Variants in FER1L6 observed in about 807,000 individuals in gnomAD.
The protein encoded by FER1L6 is fer-1-like protein 6.
FER1L6 carries 177 observed loss-of-function variants against 219.2 expected under a neutral mutation model. That is an observed-to-expected ratio of 0.81 (90% CI 0.71 to 0.91). The LOEUF is 0.91. Among genes scored for constraint, FER1L6 ranks in the 40% least tolerant of loss-of-function variants. FER1L6 has a pLI of 0.00. For missense variants in FER1L6, 2,153 were observed against 2,259.9 expected, an observed-to-expected ratio of 0.95 and a Z score of 0.96; for synonymous variants, 768 against 824.3, an observed-to-expected ratio of 0.93 and a Z score of 1.17.
intron 1 of FER1L6, among the ~76,000 whole-genome samples, chr8:123,855,987 T>C (rs1296132666): frequency 7.0e-6 from 1 of 143,492 alleles, no homozygotes; most frequent in Non-Finnish European, 1.5e-5. Context: ...ATATGAGATA[T>C]ATGTATATAC....
At chr8:124,086,195 G>A (rs982801223) in intron 33 of FER1L6, among the ~76,000 whole-genome samples, 4 of 151,748 alleles carry the variant, frequency 2.6e-5, no homozygotes, top group Admixed American at 1.3e-4. Context: ...AGGTTAGTCC[G>A]TTTATATTCA....
chr8:123,953,450 C>A (rs758737243), intron 1 of FER1L6, among the ~76,000 whole-genome samples: 1 of 152,176 alleles, frequency 6.6e-6, no homozygotes, highest in African/African-American at 2.4e-5. Context: ...CTTCCTTAGG[C>A]GACTCCAATG....
At chr8:123,870,983 G>T (rs552562943) in intron 1 of FER1L6, among the ~76,000 whole-genome samples, 1 of 152,146 alleles carries the variant, frequency 6.6e-6, no homozygotes, top group South Asian at 2.1e-4. Flanking sequence ...TCCCATGGAG[G>T]TATGTGTTAA....
At chr8:123,903,899 G>T (rs1428933934) in intron 1 of FER1L6, among the ~76,000 whole-genome samples, 2 of 152,192 alleles carry the variant, frequency 1.3e-5, no homozygotes, top group Non-Finnish European at 2.9e-5. Context: ...CATGTTCTCT[G>T]AGAAGAGGGA....
At chr8:124,054,326 G>C in intron 22 of FER1L6, among the ~76,000 whole-genome samples, 1 of 152,118 alleles carries the variant, frequency 6.6e-6, no homozygotes, top group Non-Finnish European at 1.5e-5. Flanking sequence ...TCCAAATACA[G>C]TGACAAGAAA....
At chr8:123,890,336 C>T (rs1435193530) in intron 1 of FER1L6, among the ~76,000 whole-genome samples, 1 of 151,984 alleles carries the variant, frequency 6.6e-6, no homozygotes, top group African/African-American at 2.4e-5. Context: ...ACACTTTAGC[C>T]TCAAAAGTTG....
At chr8:124,054,411 GT>G (rs1414297879) in intron 22 of FER1L6, among the ~76,000 whole-genome samples, 1 of 152,168 alleles carries the variant, frequency 6.6e-6, no homozygotes, top group Non-Finnish European at 1.5e-5. Context: ...AAACTGAGAA[GT>G]CCTGCAACAA....
intron 39 of FER1L6, among the ~76,000 whole-genome samples, chr8:124,115,703 G>T (rs918609173): frequency 4.6e-5 from 7 of 152,144 alleles, no homozygotes; most frequent in Non-Finnish European, 7.3e-5. Flanking sequence ...GCTAAGCACT[G>T]CATATGTGTT....
chr8:123,944,055 C>T (rs1270453629), intron 1 of FER1L6, among the ~76,000 whole-genome samples: 10 of 151,926 alleles, frequency 6.6e-5, no homozygotes, highest in Non-Finnish European at 2.9e-5. Flanking sequence ...TTTTCTTAAC[C>T]TTTTAGACTA....
At chr8:124,095,765 C>T (rs77991584) in intron 35 of FER1L6, among the ~76,000 whole-genome samples, 1 of 152,186 alleles carries the variant, frequency 6.6e-6, no homozygotes, top group African/African-American at 2.4e-5. Context: ...TCCTAAACAA[C>T]GGAGTGACAC....
chr8:123,866,465 T>C (rs1032547283), intron 1 of FER1L6, among the ~76,000 whole-genome samples: 1 of 152,144 alleles, frequency 6.6e-6, no homozygotes, highest in African/African-American at 2.4e-5. Context: ...AGTGCAGATA[T>C]ATCCTTGGCA....
chr8:124,021,599 A>G lies in FER1L6; in HGVS notation c.2063A>G (p.Lys688Arg), dbSNP rs372573703. The change falls in exon 17 of 41, where the codon AAG becomes AGG. Residue 688 changes from lysine to arginine, a missense_variant. By Grantham distance (26) the Lys-to-Arg change is conservative. Transcript: ENST00000522917. ...AKGIIQQQKK[K>R]LSVDEMIHEA... ...GGGATCATTCAGCAGCAGAAGAAAA[A>G]GTTATCTGTTGATGAAATGATTCAC... is the stretch of plus-strand genomic sequence containing the variant. The G allele has an allele frequency of 1.1e-5, 18 of 1,614,078 alleles. No homozygotes were observed. The highest frequency in any genetic ancestry group is 2.7e-5 in the African/African-American group (2 of 74,932).
intron 12 of FER1L6, among the ~76,000 whole-genome samples, chr8:123,992,461 A>G (rs1816905485): frequency 6.6e-6 from 1 of 151,992 alleles, no homozygotes; most frequent in Non-Finnish European, 1.5e-5. Flanking sequence ...GAATTTATCC[A>G]TTTCCTCTAG....
chr8:124,011,396 C>G (rs1817914115), intron 14 of FER1L6, among the ~76,000 whole-genome samples: 2 of 152,160 alleles, frequency 1.3e-5, no homozygotes, highest in Admixed American at 1.3e-4. Context: ...TGCTTTGTCA[C>G]TCAGGCTGGA....
chr8:123,852,244 A>G lies in FER1L6; in HGVS notation c.-8+59A>G, dbSNP rs1252943161. 1 of 152,262 alleles carries G rather than the reference A, an allele frequency of 6.6e-6. No individual in the cohort carries two copies. Among genetic ancestry groups the G allele is most frequent in the Non-Finnish European group, 1.5e-5 (1 of 68,086 alleles). 9.4% of individuals were successfully genotyped at this position (152,262 alleles called of 1,614,324 possible). A position where few individuals can be genotyped will look rare whatever the true frequency, so the allele number is the denominator to read the frequency against. ...TTGTGTGCAGGGAAGGCAAGTTCAT[A>G]TCCAGAGCAAATGTGTATTCCAGTA... On this transcript the variant is annotated intron_variant, in intron 1 of 40. Transcript: ENST00000522917. This position sits in a 1 kb window ranked among gnomAD's most constrained non-coding sequence, Gnocchi z 4.9.
rs1211932099 is a variant in FER1L6, at chr8:124,013,512, G to GACTT, written c.1904_1907dup (p.Phe636LeufsTer12). On this transcript the variant is annotated frameshift_variant, in exon 15 of 41. Transcript: ENST00000522917. LOFTEE classifies it high-confidence loss of function. Reference sequence around the variant, plus strand: ...AGAGAAAATGAAAACAGTGCTCAGTGACTTCATCAGTCGGAGCAGGTACCG... The same window carrying GACTT: ...AGAGAAAATGAAAACAGTGCTCAGTGACTTACTTCATCAGTCGGAGCAGGTACCG... 1 of 1,607,680 alleles carries GACTT rather than the reference G, an allele frequency of 6.2e-7. No homozygotes were observed. The highest frequency in any genetic ancestry group is 1.7e-5 in the Admixed American group (1 of 57,958).
intron 14 of FER1L6, among the ~76,000 whole-genome samples, chr8:124,012,767 G>A (rs1026573607): frequency 2.6e-5 from 4 of 152,194 alleles, no homozygotes; most frequent in Non-Finnish European, 4.4e-5. Context: ...CCCTAGGCAC[G>A]AGACTTTGGG....
At chr8:123,991,122 A>G (rs1340082574) in intron 12 of FER1L6, among the ~76,000 whole-genome samples, 3 of 152,214 alleles carry the variant, frequency 2.0e-5, no homozygotes, top group Non-Finnish European at 4.4e-5. Context: ...TCCTTGCAGT[A>G]TAACTTGAAG....
intron 1 of FER1L6, among the ~76,000 whole-genome samples, chr8:123,864,673 C>T (rs1228729983): frequency 1.3e-5 from 2 of 148,874 alleles, no homozygotes; most frequent in African/African-American, 5.1e-5. Flanking sequence ...GGAGGCTTTG[C>T]TCATTTCTTT....
Sources: gnomAD v4.1 joint callset for allele counts (sites outside exome capture counted in the v4.1 genomes callset) on GRCh38, gnomAD v4.1.1 for gene constraint, Gnocchi (gnomAD v3.1) non-coding constraint, MANE v1.5 for transcripts, NCBI Gene and HGNC (gene_info 2026-07-23, HGNC 2026-07-21) for gene names.